L3MBTL4: variants seen among roughly 807,000 people sequenced by gnomAD.
L3MBTL4 encodes the protein L3MBTL histone methyl-lysine binding protein 4, also known as lethal(3)malignant brain tumor-like protein 4.
Under a neutral mutation model 84.5 loss-of-function variants are expected in L3MBTL4, and 70 were observed. That is an observed-to-expected ratio of 0.83 (90% CI 0.68 to 1.01). The LOEUF (loss-of-function observed/expected upper bound fraction) is 1.01, where lower values mean the gene tolerates loss of function less well. Ranked by LOEUF, L3MBTL4 falls within the 50% of genes least tolerant of loss-of-function variation. The pLI is 0.00. For synonymous variants in L3MBTL4, 274 were observed against 259.8 expected (o/e 1.05, Z -0.52); for missense variants, 715 against 754.8 (o/e 0.95, Z 0.62).
chr18:5,986,507 T>C (rs2053471428), intron 16 of L3MBTL4, among the ~76,000 whole-genome samples: 1 of 152,256 alleles, frequency 6.6e-6, no homozygotes, highest in Non-Finnish European at 1.5e-5. Context: ...TGGGAGCTTC[T>C]AGCTTGGAGC....
At chr18:6,265,060 T>G (rs576562162) in intron 4 of L3MBTL4, among the ~76,000 whole-genome samples, 38 of 152,194 alleles carry the variant, frequency 2.5e-4, no homozygotes, top group African/African-American at 8.9e-4. Context: ...TACTACTAAG[T>G]AGGAAAAAGA....
chr18:6,160,107 T>A (rs892142184), intron 13 of L3MBTL4, among the ~76,000 whole-genome samples: 1 of 152,162 alleles, frequency 6.6e-6, no homozygotes, highest in Non-Finnish European at 1.5e-5. Flanking sequence ...GCACATTCCA[T>A]CCTGGAGCCT....
chr18:5,964,513 T>C (rs2052238793), intron 17 of L3MBTL4, among the ~76,000 whole-genome samples: 1 of 152,134 alleles, frequency 6.6e-6, no homozygotes, highest in South Asian at 2.1e-4. Context: ...TATTTGCCTT[T>C]TTTTTTTCTA....
intron 13 of L3MBTL4, among the ~76,000 whole-genome samples, chr18:6,159,548 G>A (rs1411525090): frequency 6.6e-6 from 1 of 152,052 alleles, no homozygotes; most frequent in Non-Finnish European, 1.5e-5. Flanking sequence ...CCCAAGCTGA[G>A]CGAGCAGCTT....
chr18:6,195,733 A>C (rs2045346956), intron 12 of L3MBTL4, among the ~76,000 whole-genome samples: 1 of 152,134 alleles, frequency 6.6e-6, no homozygotes, highest in Admixed American at 6.5e-5. Context: ...ATCACTACCC[A>C]TGTTCAGATT....
chr18:6,411,776 C>T (rs754201892), intron 1 of L3MBTL4, among the ~76,000 whole-genome samples: 2 of 152,154 alleles, frequency 1.3e-5, no homozygotes, highest in Middle Eastern at 3.2e-3. Flanking sequence ...GGCTTTCCCC[C>T]GATCCAACAT....
At chr18:6,126,210 T>TTTTTAAATTTA (rs1350777897) in intron 14 of L3MBTL4, among the ~76,000 whole-genome samples, 2 of 152,226 alleles carry the variant, frequency 1.3e-5, no homozygotes, top group African/African-American at 4.8e-5. Flanking sequence ...TTTTTATTTA[T>TTTTTAAATTTA]TTTTAAATGC....
intron 13 of L3MBTL4, among the ~76,000 whole-genome samples, chr18:6,158,837 C>T (rs60626763): frequency 0.046 from 7,040 of 152,168 alleles, 558 homozygotes; most frequent in African/African-American, 0.16. Flanking sequence ...TAAGGAAGCA[C>T]GGGGTCTCTA....
intron 16 of L3MBTL4, among the ~76,000 whole-genome samples, chr18:5,981,378 T>C (rs2053205692): frequency 6.6e-6 from 1 of 152,214 alleles, no homozygotes. Context: ...TGGTATTCCA[T>C]AGACTTCAGT....
chr18:6,342,718 T>C (rs1403033817), intron 1 of L3MBTL4, among the ~76,000 whole-genome samples: 1 of 152,146 alleles, frequency 6.6e-6, no homozygotes, highest in Non-Finnish European at 1.5e-5. Context: ...GAAATATTTT[T>C]AGTAAGTCCT....
At chr18:6,049,743 G>T (rs1001825075) in intron 16 of L3MBTL4, among the ~76,000 whole-genome samples, 7 of 152,270 alleles carry the variant, frequency 4.6e-5, no homozygotes, top group Admixed American at 4.6e-4. Flanking sequence ...GGGGGCAAAG[G>T]TTGAAAAACT....
intron 12 of L3MBTL4, among the ~76,000 whole-genome samples, chr18:6,207,263 T>C (rs1483719934): frequency 1.3e-5 from 2 of 152,192 alleles, no homozygotes; most frequent in South Asian, 2.1e-4. Flanking sequence ...ATTTACTCTC[T>C]GGCTCCTTAC....
At position 6,069,436 on chromosome 18, in the gene L3MBTL4, T is replaced by G. The variant is rs75618699; in HGVS notation, c.1444+11445A>C. On this transcript the variant is annotated intron_variant, in intron 16 of 18. Coordinates refer to ENST00000317931, the MANE Select transcript of L3MBTL4 (RefSeq NM_001330559.2). ...TAAGTTGCTGCAGGAAAGTGTTGTT[T>G]TTTTTTTTCCTCAGGTGACAGGCAG... Among the ~76,000 whole-genome samples the G allele has an allele frequency of 2.1e-3, 324 of 152,210 alleles. 6 individuals carry two copies. In the East Asian group the frequency reaches 0.039, roughly 18 times the overall value.
At chr18:6,139,546 C>T (rs1476049434) in intron 13 of L3MBTL4, among the ~76,000 whole-genome samples, 1 of 152,014 alleles carries the variant, frequency 6.6e-6, no homozygotes, top group East Asian at 1.9e-4. Flanking sequence ...CACACTCACA[C>T]ATATCAGTTC....
At chr18:6,054,689 A>T (rs938077356) in intron 16 of L3MBTL4, among the ~76,000 whole-genome samples, 5 of 152,222 alleles carry the variant, frequency 3.3e-5, no homozygotes, top group Non-Finnish European at 7.3e-5. Context: ...ACGCTTCGCC[A>T]CAGAGCTCCA....
chr18:6,355,957 A>G (rs2053427243), intron 1 of L3MBTL4, among the ~76,000 whole-genome samples: 1 of 152,026 alleles, frequency 6.6e-6, no homozygotes, highest in African/African-American at 2.4e-5. Context: ...CTCCATTTCT[A>G]TGACACCACA....
At chr18:6,370,815 TTTAAAAAAATTAAAAA>T (rs2054130163) in intron 1 of L3MBTL4, among the ~76,000 whole-genome samples, 1 of 151,974 alleles carries the variant, frequency 6.6e-6, no homozygotes, top group Non-Finnish European at 1.5e-5. Flanking sequence ...CTCAGAAAAA[TTTAAAAAAATTAAAAA>T]TTTGTAAGAA....
intron 13 of L3MBTL4, among the ~76,000 whole-genome samples, chr18:6,155,054 C>A (rs1256990395): frequency 6.6e-6 from 1 of 151,992 alleles, no homozygotes; most frequent in Non-Finnish European, 1.5e-5. Flanking sequence ...TTCTTTGGAA[C>A]AATAAAAGCT....
chr18:6,285,265 G>A (rs542265480), intron 4 of L3MBTL4, among the ~76,000 whole-genome samples: 1 of 152,282 alleles, frequency 6.6e-6, no homozygotes, highest in Admixed American at 6.5e-5. Context: ...ACTGAAGGAT[G>A]GTGGGGGCAC....
Sources: gnomAD v4.1 joint callset for allele counts (sites outside exome capture counted in the v4.1 genomes callset) on GRCh38, gnomAD v4.1.1 for gene constraint, MANE v1.5 for transcripts, NCBI Gene and HGNC (gene_info 2026-07-23, HGNC 2026-07-21) for gene names.